APCDD1: variants seen among roughly 807,000 people sequenced by gnomAD.
The protein encoded by APCDD1 is APC down-regulated 1.
A neutral mutation model predicts 38.1 loss-of-function variants in APCDD1; 15 were observed. The ratio of observed to expected loss-of-function variants is 0.39; its 90% CI spans 0.26 to 0.61. The LOEUF (loss-of-function observed/expected upper bound fraction) is 0.61. Ranked by LOEUF, APCDD1 falls within the 20% of genes least tolerant of loss-of-function variation. The probability of loss-of-function intolerance (pLI) is 0.49; values close to 1 mark genes in which losing one functional copy is unlikely to be tolerated. For synonymous variants in APCDD1, 261 were observed against 279.7 expected, an observed-to-expected ratio of 0.93 and a Z score of 0.67; for missense variants, 647 against 696.2, an observed-to-expected ratio of 0.93 and a Z score of 0.79.
chr18:10,458,090 A>G (rs1284473495), intron 1 of APCDD1, among the ~76,000 whole-genome samples: 24 of 152,240 alleles, frequency 1.6e-4, no homozygotes. Flanking sequence ...TCTAGAAACC[A>G]TTCAGCTCCA....
intron 3 of APCDD1, among the ~76,000 whole-genome samples, chr18:10,482,576 G>A (rs1598400479): frequency 6.6e-6 from 1 of 152,142 alleles, no homozygotes; most frequent in Non-Finnish European, 1.5e-5. Context: ...GCCAGGGGCC[G>A]GCTCCTGCAC....
intron 4 of APCDD1, among the ~76,000 whole-genome samples, chr18:10,486,802 C>T (rs1297998372): frequency 6.6e-6 from 1 of 152,222 alleles, no homozygotes; most frequent in Non-Finnish European, 1.5e-5. Context: ...TCCAGGATGG[C>T]GTTCCAGGGT....
Position 10,488,496 on chromosome 18 carries a change from C to A in APCDD1, c.*458C>A. 5.7e-6 allele frequency: 1 copy of A among 174,254 alleles called. No homozygotes were observed. The highest frequency in any genetic ancestry group is 1.2e-5 in the Non-Finnish European group (1 of 81,898). The allele number at this position is 174,254 out of a possible 1,614,324, so 10.8% of individuals were successfully genotyped here. A position where few individuals can be genotyped will look rare whatever the true frequency, so the allele number is the denominator to read the frequency against. ...GAGTTTTATATGCTGGAATCCAATG[C>A]AGAGTTGGTTTGGGACTGTGATCAA... On this transcript the variant is annotated 3_prime_UTR_variant, in exon 5 of 5. Coordinates refer to ENST00000355285, the MANE Select transcript of APCDD1 (RefSeq NM_153000.5).
chr18:10,487,997 GC>G lies in APCDD1; in HGVS notation c.1506del (p.Cys503AlafsTer65). ...HTWSLLLAAL[A>X]CLVPLLHWNI... ...CTGGTCCCTGCTGCTGGCTGCACTTGCCTGCCTTGTCCCTCTGCTGCATTGG... is the reference window on the plus strand; with the variant it reads ...CTGGTCCCTGCTGCTGGCTGCACTTGCTGCCTTGTCCCTCTGCTGCATTGG... On this transcript the variant is annotated frameshift_variant, in exon 5 of 5. Coordinates refer to ENST00000355285, the MANE Select transcript of APCDD1 (RefSeq NM_153000.5). LOFTEE classifies it high-confidence loss of function. 1 of 1,613,890 alleles carries G rather than the reference GC, an allele frequency of 6.2e-7. No individual in the cohort carries two copies. The highest frequency in any genetic ancestry group is 1.1e-5 in the South Asian group (1 of 91,084).
chr18:10,484,140 A>C (rs2031197084), intron 3 of APCDD1, among the ~76,000 whole-genome samples: 2 of 152,352 alleles, frequency 1.3e-5, no homozygotes, highest in East Asian at 3.9e-4. Flanking sequence ...GGAAGGTCAG[A>C]GCTGTGGCCG....
Position 10,485,432 on chromosome 18 carries a change from C to A in APCDD1, c.775-30C>A. On this transcript the variant is annotated intron_variant, in intron 3 of 4. Transcript: ENST00000355285. This position sits in a 1 kb window ranked among gnomAD's most constrained non-coding sequence, Gnocchi z 5.8. ...CACTGCTCCCTTGGGAAGATAGAGG[C>A]CTCTGAATGTGTTTGTTTCTTGGCT... 6.2e-7 allele frequency: 1 copy of A among 1,611,864 alleles called. No individual in the cohort carries two copies. The highest frequency in any genetic ancestry group is 8.5e-7 in the Non-Finnish European group (1 of 1,179,298).
At position 10,471,428 on chromosome 18, in the gene APCDD1, C is replaced by A; in HGVS notation, c.243-102C>A. Reference sequence around the variant, plus strand: ...CTGACAACAGAGTCTGGCCCATCGTCAGCACTTTATTATTATTTCTGTAAT... The same window carrying A: ...CTGACAACAGAGTCTGGCCCATCGTAAGCACTTTATTATTATTTCTGTAAT... On this transcript the variant is annotated intron_variant, in intron 2 of 4. Coordinates refer to ENST00000355285, the MANE Select transcript of APCDD1 (RefSeq NM_153000.5). This position sits in a 1 kb window ranked among gnomAD's most constrained non-coding sequence, Gnocchi z 5.5. 6.8e-7 allele frequency: 1 copy of A among 1,480,860 alleles called. No individual in the cohort carries two copies. Among genetic ancestry groups the A allele is most frequent in the Non-Finnish European group, 9.3e-7 (1 of 1,077,562 alleles). The allele number at this position is 1,480,860 out of a possible 1,614,324, so 91.7% of individuals were successfully genotyped here.
intron 1 of APCDD1, among the ~76,000 whole-genome samples, chr18:10,460,186 C>T (rs780549705): frequency 2.6e-5 from 4 of 152,196 alleles, no homozygotes; most frequent in South Asian, 2.1e-4. Flanking sequence ...GGTGAAAAAC[C>T]GTGGAATATA....
chr18:10,459,656 A>G (rs1223060500), intron 1 of APCDD1, among the ~76,000 whole-genome samples: 2 of 152,248 alleles, frequency 1.3e-5, no homozygotes, highest in Admixed American at 1.3e-4. Context: ...CAATGGTGGT[A>G]AAATTCAGTA....
intron 4 of APCDD1, 44 bp from the exon 5 acceptor site, chr18:10,487,546 C>T (rs772612325): frequency 1.0e-5 from 16 of 1,597,528 alleles, no homozygotes; most frequent in Middle Eastern, 1.7e-4. Flanking sequence ...CTGGATCCCA[C>T]GCCTACTCCC....
At chr18:10,458,235 C>A (rs2030431621) in intron 1 of APCDD1, among the ~76,000 whole-genome samples, 1 of 152,216 alleles carries the variant, frequency 6.6e-6, no homozygotes, top group East Asian at 1.9e-4. Context: ...TCTATTCCCA[C>A]ACCCTGTTTA....
At position 10,471,420 on chromosome 18, in the gene APCDD1, C is replaced by T. The variant is rs996158226; in HGVS notation, c.243-110C>T. On this transcript the variant is annotated intron_variant, in intron 2 of 4. Coordinates refer to ENST00000355285, the MANE Select transcript of APCDD1 (RefSeq NM_153000.5). The surrounding 1 kb of genome is among the most constrained non-coding windows in gnomAD (Gnocchi z 5.5). Reference sequence around the variant, plus strand: ...ATAAAGGGCTGACAACAGAGTCTGGCCCATCGTCAGCACTTTATTATTATT... The same window carrying T: ...ATAAAGGGCTGACAACAGAGTCTGGTCCATCGTCAGCACTTTATTATTATT... 1.6e-5 allele frequency: 22 copies of T among 1,389,356 alleles called. No individual in the cohort carries two copies. In the Admixed American group the frequency reaches 2.6e-4, roughly 16 times the overall value. 86.1% of individuals were successfully genotyped at this position (1,389,356 alleles called of 1,614,324 possible).
At position 10,469,065 on chromosome 18, in the gene APCDD1, G is replaced by A. The variant is rs571577393; in HGVS notation, c.242+413G>A. 1.9e-4 allele frequency among the ~76,000 whole-genome samples: 29 copies of A among 152,324 alleles called. No individual in the cohort carries two copies. In the South Asian group the frequency reaches 2.5e-3, roughly 13 times the overall value. ...CTGGTAATTTAATATATGGCTTCAG[G>A]GTTCTAAGAGTAAGTTAAAAGCTAC... On this transcript the variant is annotated intron_variant, in intron 2 of 4. Coordinates refer to ENST00000355285, the MANE Select transcript of APCDD1 (RefSeq NM_153000.5). This position sits in a 1 kb window ranked among gnomAD's most constrained non-coding sequence, Gnocchi z 5.5.
rs565976831 is a variant in APCDD1, at chr18:10,476,377, A to T, written c.774+4316A>T. ...AGATTCAGGTGTGCTGGGAGGGTTC[A>T]TTCAGGATGGAACTGGCTACTCTTC... On this transcript the variant is annotated intron_variant, in intron 3 of 4. Transcript: ENST00000355285. This position sits in a 1 kb window ranked among gnomAD's most constrained non-coding sequence, Gnocchi z 5.8. The T allele has an allele frequency of 6.6e-6, 1 of 152,366 alleles. No individual in the cohort carries two copies. Among genetic ancestry groups the T allele is most frequent in the African/African-American group, 2.4e-5 (1 of 41,602 alleles). 9.4% of individuals were successfully genotyped at this position (152,366 alleles called of 1,614,324 possible).
At chr18:10,461,714 A>C (rs1051508393) in intron 1 of APCDD1, among the ~76,000 whole-genome samples, 2 of 152,098 alleles carry the variant, frequency 1.3e-5, no homozygotes, top group African/African-American at 4.8e-5. Flanking sequence ...AAGACCAAAA[A>C]CTCACAGCCA....
intron 1 of APCDD1, among the ~76,000 whole-genome samples, chr18:10,460,570 CTT>C (rs1438338870): frequency 4.7e-5 from 7 of 150,236 alleles, no homozygotes; most frequent in Non-Finnish European, 8.9e-5. Flanking sequence ...GCAAAAAAAA[CTT>C]TATTGAAAAA....
At chr18:10,463,139 C>T (rs1295725740) in intron 1 of APCDD1, among the ~76,000 whole-genome samples, 2 of 151,992 alleles carry the variant, frequency 1.3e-5, no homozygotes, top group East Asian at 1.9e-4. Context: ...TCTCTCACTC[C>T]TGCCCCCCAT....
At chr18:10,468,364 C>A in intron 1 of APCDD1, 105 bp from the exon 2 acceptor site, 1 of 1,220,604 alleles carries the variant, frequency 8.2e-7, no homozygotes, top group Non-Finnish European at 1.2e-6. Context: ...AATAAACAAT[C>A]ATTTCCCACC....
At chr18:10,456,758 A>G (rs2030391877) in intron 1 of APCDD1, among the ~76,000 whole-genome samples, 2 of 152,184 alleles carry the variant, frequency 1.3e-5, no homozygotes. Context: ...CTCAATGAAG[A>G]CAGGAGCTCC....
Sources: allele counts gnomAD v4.1 joint callset (sites outside exome capture counted in the v4.1 genomes callset), GRCh38; gene constraint gnomAD v4.1.1; non-coding constraint Gnocchi (gnomAD v3.1); transcripts MANE v1.5; gene names NCBI Gene and HGNC (gene_info 2026-07-23, HGNC 2026-07-21).